Variants in POLRMT observed in about 807,000 individuals in gnomAD.
POLRMT encodes the protein DNA-directed RNA polymerase, mitochondrial.
In POLRMT, 114 loss-of-function variants were observed where a neutral mutation model predicts 132.2. The observed-to-expected ratio is 0.86, with a 90% CI of 0.74 to 1.01. The LOEUF is 1.01. Ranked by LOEUF, POLRMT falls within the 50% of genes least tolerant of loss-of-function variation. The pLI is 0.00. For synonymous variants in POLRMT, 1,020 were observed against 773.4 expected (o/e 1.32, Z -5.29); for missense variants, 2,003 against 1,729.1 (o/e 1.16, Z -2.81).
At chr19:633,063 G>C in intron 1 of POLRMT, 125 bp from the exon 2 acceptor site, 1 of 725,718 alleles carries the variant, frequency 1.4e-6, no homozygotes, top group Non-Finnish European at 2.1e-6. Context: ...CGGAGCACGG[G>C]CTTAAGTTGG....
At chr19:624,646 T>C (rs994867353) in intron 5 of POLRMT, 73 bp downstream of exon 5, 1 of 1,524,990 alleles carries the variant, frequency 6.6e-7, no homozygotes, top group African/African-American at 1.4e-5. Context: ...CCCATTGGTC[T>C]GAGCTGAGGC....
chr19:618,816 C>T, intron 15 of POLRMT, 56 bp from the exon 16 acceptor site: 1 of 1,532,380 alleles, frequency 6.5e-7, no homozygotes, highest in South Asian at 1.2e-5. Context: ...GGTGGTGGTA[C>T]ATTGAGGTGG....
In POLRMT at chr19:622,869, G is replaced by A. The variant is rs533263722; in HGVS notation, c.1407C>T (p.Pro469=). 5.0e-6 allele frequency: 8 copies of A among 1,609,254 alleles called. No individual in the cohort carries two copies. Among genetic ancestry groups the A allele is most frequent in the South Asian group, 4.4e-5 (4 of 90,332 alleles). Residue 469 remains proline, a synonymous_variant, in exon 7 of 21, where the codon CCC becomes CCT. Coordinates refer to ENST00000588649, the MANE Select transcript of POLRMT (RefSeq NM_005035.4). ...CGCGCTCGTCCAGCAGGCACAGGAA[G>A]GGGTAAAGTGAGAACCGGCCCTCGT... The part of the protein sequence containing the change: ...EVYEGRFSLY[P]FLCLLDEREV...
intron 10 of POLRMT, 134 bp downstream of exon 10, chr19:620,923 AG>A: frequency 2.4e-5 from 2 of 82,858 alleles, no homozygotes; most frequent in Non-Finnish European, 3.7e-5. Context: ...GAAGACGGGC[AG>A]GGGGCGCCAG....
chr19:626,238 G>A (rs149994833), intron 3 of POLRMT, among the ~76,000 whole-genome samples: 17,433 of 151,524 alleles, frequency 0.12, 1,259 homozygotes, highest in Non-Finnish European at 0.16. Flanking sequence ...GTCAACCTCC[G>A]CCTCCCGGGT....
intron 2 of POLRMT, among the ~76,000 whole-genome samples, chr19:630,740 C>G (rs1231753173): frequency 6.6e-6 from 1 of 152,188 alleles, no homozygotes; most frequent in Non-Finnish European, 1.5e-5. Context: ...GTGTCTACAC[C>G]GGTGGACGCT....
rs544183096 is a variant in POLRMT, at chr19:633,521, C to A, written c.-9G>T. On this transcript the variant is annotated 5_prime_UTR_variant, in exon 1 of 21. Coordinates refer to ENST00000588649, the MANE Select transcript of POLRMT (RefSeq NM_005035.4). ...CAGCAAAGTGCCGACATTACGCACG[C>A]CGCTCCAGGCCACCCCACCGGCCCG... The A allele has an allele frequency of 9.4e-5, 72 of 768,200 alleles. No homozygotes were observed. In the African/African-American group the frequency reaches 3.5e-3, roughly 38 times the overall value. The allele number at this position is 768,200 out of a possible 1,614,324, so 47.6% of individuals were successfully genotyped here. A position where few individuals can be genotyped will look rare whatever the true frequency, so the allele number is the denominator to read the frequency against.
intron 2 of POLRMT, among the ~76,000 whole-genome samples, chr19:632,345 C>T (rs1985479866): frequency 6.6e-6 from 1 of 152,170 alleles, no homozygotes; most frequent in African/African-American, 2.4e-5. Context: ...CAGGGAAGCT[C>T]CCACCTCCCT....
At chr19:623,083 G>A (rs41544516) in intron 6 of POLRMT, 98 bp from the exon 7 acceptor site, 163,161 of 1,387,036 alleles carry the variant, frequency 0.12, 10,213 homozygotes, top group East Asian at 0.22. Flanking sequence ...AGACCTCATG[G>A]CCCTCAAGGT....
chr19:619,269 G>A lies in POLRMT; in HGVS notation c.3094C>T (p.Leu1032Phe), dbSNP rs768173100. ...QEFVWEASHY[L>F]VRQVFKSLQE... ...AGACTCTTGAAGACCTGGCGTACGAGATAGTGAGAGGCCTCCCACACGAAC... is the reference window on the plus strand; with the variant it reads ...AGACTCTTGAAGACCTGGCGTACGAAATAGTGAGAGGCCTCCCACACGAAC... Residue 1032 changes from leucine (L) to phenylalanine (F), a missense_variant, in exon 14 of 21, where the codon CTC becomes TTC. Coordinates refer to ENST00000588649, the MANE Select transcript of POLRMT (RefSeq NM_005035.4). The A allele has an allele frequency of 1.0e-5, 16 of 1,607,846 alleles. No homozygotes were observed. Among genetic ancestry groups the A allele is most frequent in the South Asian group, 4.4e-5 (4 of 90,614 alleles).
At position 620,494 on chromosome 19, in the gene POLRMT, G is replaced by C. The variant is rs769943502; in HGVS notation, c.2641-7C>G. 6.4e-7 allele frequency: 1 copy of C among 1,572,496 alleles called. No individual in the cohort carries two copies. The highest frequency in any genetic ancestry group is 1.2e-5 in the South Asian group (1 of 85,308). ...CCATCCACCACTTTCGGCCCTGCGG[G>C]GACAGCGGATGGGGGGCAGTGAGGC... On this transcript the variant is annotated splice_polypyrimidine_tract_variant and splice_region_variant and intron_variant, in intron 10 of 20. Transcript: ENST00000588649.
At position 623,619 on chromosome 19, in the gene POLRMT, T is replaced by C. The variant is rs1984805425; in HGVS notation, c.1141-16A>G. ...CACGCCCATCCTGCAGGGATGGGGGTAGTGAGGTTGGGGGCTTGCCAGAGG... is the reference window on the plus strand; with the variant it reads ...CACGCCCATCCTGCAGGGATGGGGGCAGTGAGGTTGGGGGCTTGCCAGAGG... On this transcript the variant is annotated splice_polypyrimidine_tract_variant and intron_variant, in intron 5 of 20. Transcript: ENST00000588649. 3.7e-6 allele frequency: 6 copies of C among 1,611,268 alleles called. No homozygotes were observed. The highest frequency in any genetic ancestry group is 1.3e-5 in the African/African-American group (1 of 74,626).
At position 619,615 on chromosome 19, in the gene POLRMT, G is replaced by C. The variant is rs745348188; in HGVS notation, c.3037C>G (p.Arg1013Gly). 2 of 1,610,916 alleles carry C rather than the reference G, an allele frequency of 1.2e-6. No homozygotes were observed. Among genetic ancestry groups the C allele is most frequent in the Non-Finnish European group, 1.7e-6 (2 of 1,179,640 alleles). ...GGAAAGTCGCTCAGCTCCCGGAGGC[G>C]CTTCTCAATCTGCAGGCGCCCGCCA... is the stretch of plus-strand genomic sequence containing the variant. ...RYGGRLQIEK[R>G]LRELSDFPQE... The change falls in exon 13 of 21, where the codon CGC (arginine) becomes GGC (glycine). Residue 1013 changes from arginine to glycine, a missense_variant. Coordinates refer to ENST00000588649, the MANE Select transcript of POLRMT (RefSeq NM_005035.4).
At chr19:631,252 TAG>T (rs2144704688) in intron 2 of POLRMT, among the ~76,000 whole-genome samples, 1 of 149,082 alleles carries the variant, frequency 6.7e-6, no homozygotes, top group Non-Finnish European at 1.5e-5. Flanking sequence ...CACCTAAGCC[TAG>T]GAGTTCCTGG....
In POLRMT at chr19:632,914, G is replaced by C. The variant is rs748200791; in HGVS notation, c.113C>G (p.Pro38Arg). The change falls in exon 2 of 21, where the codon CCC becomes CGC. Residue 38 changes from proline (P) to arginine (R), a missense_variant. By Grantham distance (103) the Pro-to-Arg change is moderately radical. Transcript: ENST00000588649. The stretch of plus-strand genomic sequence containing the variant: ...GGGGCTGGCGGACGAGCTCCTCCTG[G>C]GGCCGCAGACGCCACCGGCGGTCCC... ...KEGTAGGVCG[P>R]RRSSSASPQE... The C allele has an allele frequency of 5.2e-6, 8 of 1,531,416 alleles. No individual in the cohort carries two copies. The Admixed American group carries it at 1.6e-4, about 31-fold the overall frequency. 94.9% of individuals were successfully genotyped at this position (1,531,416 alleles called of 1,614,324 possible).
At position 633,280 on chromosome 19, in the gene POLRMT, G is replaced by A. The variant is rs1985562171; in HGVS notation, c.88+145C>T. The A allele has an allele frequency of 7.6e-6, 8 of 1,055,954 alleles. No individual in the cohort carries two copies. In the Admixed American group the frequency reaches 1.4e-4, roughly 18 times the overall value. 65.4% of individuals were successfully genotyped at this position (1,055,954 alleles called of 1,614,324 possible). ...GAGCCTCAGTCGAAAAGCGGGCAAGGGCGAGTGGAAAGCGGGGCCGGGTCG... is the reference window on the plus strand; with the variant it reads ...GAGCCTCAGTCGAAAAGCGGGCAAGAGCGAGTGGAAAGCGGGGCCGGGTCG... On this transcript the variant is annotated intron_variant, in intron 1 of 20. Coordinates refer to ENST00000588649, the MANE Select transcript of POLRMT (RefSeq NM_005035.4).
At chr19:632,699 G>A in intron 2 of POLRMT, 135 bp downstream of exon 2, 1 of 676,000 alleles carries the variant, frequency 1.5e-6, no homozygotes, top group Non-Finnish European at 2.4e-6. Flanking sequence ...TTTCAGCAAC[G>A]CCGTCTGGGC....
At position 621,846 on chromosome 19, in the gene POLRMT, T is replaced by C; in HGVS notation, c.1852A>G (p.Ile618Val). The change falls in exon 10 of 21, where the codon ATC (isoleucine) becomes GTC (valine). Residue 618 changes from isoleucine to valine, a missense_variant and splice_region_variant. Transcript: ENST00000588649. ...HVYSFRNVQQ[I>V]GILKPHPAYV... is the part of the protein sequence containing the mutation. ...GCCGGGTGCGGCTTCAGGATGCCGA[T>C]CTGGGGTGCGACAGGCAGACGGGTC... 8 of 1,601,676 alleles carry C rather than the reference T, an allele frequency of 5.0e-6. No individual in the cohort carries two copies. The highest frequency in any genetic ancestry group is 6.8e-6 in the Non-Finnish European group (8 of 1,179,762).
intron 11 of POLRMT, 48 bp downstream of exon 11, chr19:620,317 G>A (rs1292329743): frequency 4.0e-6 from 6 of 1,508,586 alleles, no homozygotes; most frequent in South Asian, 1.3e-5. Flanking sequence ...CGAGCCCCAG[G>A]CCCAGTGCAC....
Sources: allele counts gnomAD v4.1 joint callset (sites outside exome capture counted in the v4.1 genomes callset), GRCh38; gene constraint gnomAD v4.1.1; transcripts MANE v1.5; gene names NCBI Gene and HGNC (gene_info 2026-07-23, HGNC 2026-07-21).